The following CUL3 variants were observed in gnomAD, a reference collection of about 807,000 sequenced individuals.
CUL3 encodes cullin-3.
Under a neutral mutation model 89.1 loss-of-function variants are expected in CUL3, and 19 were observed. That is an observed-to-expected ratio of 0.21 (90% CI 0.15 to 0.31). The LOEUF (loss-of-function observed/expected upper bound fraction) is 0.31, where lower values mean the gene tolerates loss of function less well. CUL3 is among the 10% of genes least tolerant of loss of function. The pLI, the probability that CUL3 is intolerant of heterozygous loss-of-function variation, is 1.00. For synonymous variants in CUL3, 351 were observed against 308.4 expected (o/e 1.14, Z -1.45); for missense variants, 469 against 942.3 (o/e 0.50, Z 6.58).
At chr2:224,539,325 CAA>C (rs1235635010) in intron 2 of CUL3, among the ~76,000 whole-genome samples, 1 of 152,092 alleles carries the variant, frequency 6.6e-6, no homozygotes, top group Non-Finnish European at 1.5e-5. Flanking sequence ...GGACGCAGAG[CAA>C]AAGAGTATCT....
At position 224,485,249 on chromosome 2, in the gene CUL3, C is replaced by T. The variant is rs931282279; in HGVS notation, c.1843-3171G>A. 1 of 152,318 alleles carries T rather than the reference C, an allele frequency of 6.6e-6. No individual in the cohort carries two copies. The highest frequency in any genetic ancestry group is 1.5e-5 in the Non-Finnish European group (1 of 68,222). The allele number at this position is 152,318 out of a possible 1,614,324, so 9.4% of individuals were successfully genotyped here. A position where few individuals can be genotyped will look rare whatever the true frequency, so the allele number is the denominator to read the frequency against. On this transcript the variant is annotated intron_variant, in intron 13 of 15. Coordinates refer to ENST00000264414, the MANE Select transcript of CUL3 (RefSeq NM_003590.5). The surrounding 1 kb of genome is among the most constrained non-coding windows in gnomAD (Gnocchi z 4.1). ...TTTTTTTTCATATCCCAGTGGCAGCCGGAACCCCAGCGAGAGAGAACCGTC... is the reference window on the plus strand; with the variant it reads ...TTTTTTTTCATATCCCAGTGGCAGCTGGAACCCCAGCGAGAGAGAACCGTC...
intron 11 of CUL3, 65 bp from the exon 12 acceptor site, chr2:224,497,914 C>T: frequency 8.4e-7 from 1 of 1,195,358 alleles, no homozygotes. Flanking sequence ...TTACAAACTA[C>T]AGGATAACAT....
chr2:224,537,193 G>A (rs1192302591), intron 2 of CUL3, among the ~76,000 whole-genome samples: 2 of 152,058 alleles, frequency 1.3e-5, no homozygotes, highest in Non-Finnish European at 2.9e-5. Context: ...GATCTAATAT[G>A]AACAAGTGGC....
chr2:224,500,033 T>C (rs898254929), intron 11 of CUL3: 2 of 206,440 alleles, frequency 9.7e-6, no homozygotes, highest in Non-Finnish European at 2.0e-5. Flanking sequence ...TTAGCTGAAG[T>C]GTTCAGAAAA....
chr2:224,483,142 T>C (rs890388018), intron 13 of CUL3, among the ~76,000 whole-genome samples: 5 of 152,204 alleles, frequency 3.3e-5, no homozygotes, highest in Non-Finnish European at 5.9e-5. Flanking sequence ...TTTCAAATAG[T>C]ATAAATGCTA....
intron 13 of CUL3, among the ~76,000 whole-genome samples, chr2:224,493,106 A>T (rs1667573421): frequency 6.6e-6 from 1 of 152,190 alleles, no homozygotes; most frequent in South Asian, 2.1e-4. Flanking sequence ...CCCAAGCCAG[A>T]ACTACCCAAC....
intron 13 of CUL3, among the ~76,000 whole-genome samples, chr2:224,490,681 G>A (rs1018997665): frequency 4.1e-5 from 6 of 146,686 alleles, no homozygotes; most frequent in Admixed American, 6.9e-5. Flanking sequence ...AAACTTACAC[G>A]TTCTGCACAT....
intron 2 of CUL3, among the ~76,000 whole-genome samples, chr2:224,537,310 A>C (rs565774768): frequency 6.6e-6 from 1 of 152,336 alleles, no homozygotes; most frequent in African/African-American, 2.4e-5. Context: ...TATTAGATTT[A>C]ATGATGAGAC....
chr2:224,488,947 G>C (rs1236776517), intron 13 of CUL3, among the ~76,000 whole-genome samples: 1 of 152,146 alleles, frequency 6.6e-6, no homozygotes, highest in Non-Finnish European at 1.5e-5. Context: ...GGGATGCAAG[G>C]CTGGTTCAAC....
chr2:224,582,865 C>T (rs940162716), intron 1 of CUL3, among the ~76,000 whole-genome samples: 2 of 152,102 alleles, frequency 1.3e-5, no homozygotes, highest in African/African-American at 4.8e-5. Context: ...ATTTGCTGAA[C>T]AAATTAAATG....
intron 3 of CUL3, among the ~76,000 whole-genome samples, chr2:224,527,018 A>G (rs1693506314): frequency 6.6e-6 from 1 of 152,234 alleles, no homozygotes; most frequent in Admixed American, 6.5e-5. Context: ...CATAAGGCCT[A>G]GTATGTGACT....
chr2:224,499,589 G>T, intron 11 of CUL3: 1 of 207,196 alleles, frequency 4.8e-6, no homozygotes, highest in Non-Finnish European at 1.1e-5. Context: ...GAGACCTTTT[G>T]TTTGGTCACT....
intron 5 of CUL3, among the ~76,000 whole-genome samples, chr2:224,512,210 C>T (rs1165757340): frequency 1.3e-5 from 2 of 152,104 alleles, no homozygotes; most frequent in Non-Finnish European, 2.9e-5. Flanking sequence ...ATTCTCCTGC[C>T]TCAGCCTCCC....
At chr2:224,499,063 G>GT (rs1559347623) in intron 11 of CUL3, among the ~76,000 whole-genome samples, 2 of 152,114 alleles carry the variant, frequency 1.3e-5, no homozygotes, top group African/African-American at 4.8e-5. Context: ...TTAAAAATAC[G>GT]TATCTCCTGG....
chr2:224,559,758 C>T (rs946698042), intron 1 of CUL3, among the ~76,000 whole-genome samples: 2 of 152,132 alleles, frequency 1.3e-5, no homozygotes, highest in Non-Finnish European at 2.9e-5. Flanking sequence ...TATCCAGCAG[C>T]ATTTGAAAGA....
intron 2 of CUL3, among the ~76,000 whole-genome samples, chr2:224,556,027 C>A (rs1233856329): frequency 6.6e-6 from 1 of 151,730 alleles, no homozygotes; most frequent in Non-Finnish European, 1.5e-5. Flanking sequence ...TAAAAAACTG[C>A]TGATTGTGTG....
Position 224,575,032 on chromosome 2 carries a change from A to G in CUL3, c.66+9912T>C, listed in dbSNP as rs545835436. Among the ~76,000 whole-genome samples, 9 of 152,354 alleles carry G rather than the reference A, an allele frequency of 5.9e-5. 2 individuals are homozygous for G. Among genetic ancestry groups the G allele is most frequent in the African/African-American group, 2.2e-4 (9 of 41,590 alleles). On this transcript the variant is annotated intron_variant, in intron 1 of 15. Transcript: ENST00000264414. ...TTACTATAATGCAGAAGACAGGAAA[A>G]AGACATTTTCCTTCTCTGAGACCAG...
chr2:224,485,601 C>T lies in CUL3; in HGVS notation c.1843-3523G>A, dbSNP rs1574616768. Among the ~76,000 whole-genome samples the T allele has an allele frequency of 2.0e-5, 3 of 152,230 alleles. No individual in the cohort carries two copies. The East Asian group carries it at 5.8e-4, about 29-fold the overall frequency. ...CAGGGCATCTCGGAAAGAAAGGCAGCAGCCTGAGTCACGGGCTTGTAAATA... is the reference window on the plus strand; with the variant it reads ...CAGGGCATCTCGGAAAGAAAGGCAGTAGCCTGAGTCACGGGCTTGTAAATA... On this transcript the variant is annotated intron_variant, in intron 13 of 15. Coordinates refer to ENST00000264414, the MANE Select transcript of CUL3 (RefSeq NM_003590.5). The surrounding 1 kb of genome is among the most constrained non-coding windows in gnomAD (Gnocchi z 4.1).
At chr2:224,475,343 T>G (rs1691276994) in intron 15 of CUL3, among the ~76,000 whole-genome samples, 1 of 152,152 alleles carries the variant, frequency 6.6e-6, no homozygotes, top group South Asian at 2.1e-4. Context: ...CCCTGCAAAA[T>G]AAGTTGTCTC....
Sources: gnomAD v4.1 joint callset for allele counts (sites outside exome capture counted in the v4.1 genomes callset) on GRCh38, gnomAD v4.1.1 for gene constraint, Gnocchi (gnomAD v3.1) non-coding constraint, MANE v1.5 for transcripts, NCBI Gene and HGNC (gene_info 2026-07-23, HGNC 2026-07-21) for gene names.